CMIP: variants seen among roughly 807,000 people sequenced by gnomAD.
The protein encoded by CMIP is c-Maf inducing protein.
A neutral mutation model predicts 97.3 loss-of-function variants in CMIP; 13 were observed. The ratio of observed to expected loss-of-function variants is 0.13; its 90% CI spans 0.09 to 0.21. The LOEUF (loss-of-function observed/expected upper bound fraction) is 0.21, where lower values mean the gene tolerates loss of function less well. CMIP is among the 10% of genes least tolerant of loss of function. The pLI, the probability that CMIP is intolerant of heterozygous loss-of-function variation, is 1.00. For missense variants in CMIP, 847 were observed against 1,024.9 expected (o/e 0.83, Z 2.37); for synonymous variants, 538 against 436.3 (o/e 1.23, Z -2.91).
intron 7 of CMIP, 127 bp from the exon 8 acceptor site, chr16:81,670,015 C>T: frequency 1.2e-6 from 1 of 811,360 alleles, no homozygotes; most frequent in Non-Finnish European, 1.9e-6. Flanking sequence ...TGGTGTCTCC[C>T]CATTGCCTTC....
chr16:81,684,426 C>G (rs1245106011), intron 10 of CMIP, among the ~76,000 whole-genome samples: 2 of 152,252 alleles, frequency 1.3e-5, no homozygotes, highest in African/African-American at 2.4e-5. Flanking sequence ...CTGCCCGTGA[C>G]TTGCAGGAGA....
rs530171104 is a variant in CMIP at position 81,472,096 on chromosome 16, A to G, written c.300+26555A>G. 1.8e-4 allele frequency among the ~76,000 whole-genome samples: 28 copies of G among 152,334 alleles called. No homozygotes were observed. The South Asian group carries it at 5.6e-3, about 30-fold the overall frequency. ...TGTACACACACACTCACGCACATGC[A>G]CATGTGCTCTCAGTATACACATGTA... On this transcript the variant is annotated intron_variant, in intron 1 of 20. Coordinates refer to ENST00000537098, the MANE Select transcript of CMIP (RefSeq NM_198390.3).
At chr16:81,522,081 C>T (rs2090039418) in intron 1 of CMIP, among the ~76,000 whole-genome samples, 1 of 152,124 alleles carries the variant, frequency 6.6e-6, no homozygotes, top group Non-Finnish European at 1.5e-5. Flanking sequence ...TCTGCTTGTC[C>T]ATTCACACTT....
At chr16:81,522,421 AG>A (rs1349158042) in intron 1 of CMIP, among the ~76,000 whole-genome samples, 1 of 152,212 alleles carries the variant, frequency 6.6e-6, no homozygotes, top group African/African-American at 2.4e-5. Flanking sequence ...CAGAGGCCAG[AG>A]GGGTGTCTTC....
chr16:81,653,224 C>T (rs1243995186), intron 4 of CMIP, among the ~76,000 whole-genome samples: 1 of 152,128 alleles, frequency 6.6e-6, no homozygotes, highest in African/African-American at 2.4e-5. Context: ...TGCTTCTGTC[C>T]CCCTCCCCTG....
rs190844974 is a variant in CMIP at position 81,552,683 on chromosome 16, C to T, written c.301-54884C>T. Among the ~76,000 whole-genome samples the T allele has an allele frequency of 5.3e-5, 8 of 152,356 alleles. No homozygotes were observed. In the East Asian group the frequency reaches 1.4e-3, roughly 26 times the overall value. On this transcript the variant is annotated intron_variant, in intron 1 of 20. Coordinates refer to ENST00000537098, the MANE Select transcript of CMIP (RefSeq NM_198390.3). ...TAATGGAACCACATCTGCAACGTCT[C>T]TTCTGCCATGTCAGATGGCACATTC...
intron 1 of CMIP, among the ~76,000 whole-genome samples, chr16:81,601,584 G>C (rs2091658189): frequency 6.6e-6 from 1 of 152,140 alleles, no homozygotes; most frequent in South Asian, 2.1e-4. Flanking sequence ...TGTGCCACTG[G>C]ACAGGGGGCT....
At chr16:81,513,197 C>G (rs963105108) in intron 1 of CMIP, among the ~76,000 whole-genome samples, 1 of 152,200 alleles carries the variant, frequency 6.6e-6, no homozygotes, top group African/African-American at 2.4e-5. Context: ...GATTCTCCCC[C>G]TAGATCGAGT....
chr16:81,476,540 C>T (rs546683086), intron 1 of CMIP: 88 of 624,406 alleles, frequency 1.4e-4, no homozygotes, highest in African/African-American at 1.3e-3. Flanking sequence ...ACAGGTTTCC[C>T]GACGGCGCCG....
chr16:81,503,097 A>G (rs1470702539), intron 1 of CMIP, among the ~76,000 whole-genome samples: 1 of 152,178 alleles, frequency 6.6e-6, no homozygotes, highest in African/African-American at 2.4e-5. Flanking sequence ...CCTAAATATT[A>G]CAGCTAAAGA....
intron 1 of CMIP, among the ~76,000 whole-genome samples, chr16:81,578,140 ACCATCACCACCATCATAACCATCATCC>A (rs1266599312): frequency 6.6e-6 from 1 of 150,802 alleles, no homozygotes; most frequent in African/African-American, 2.4e-5. Flanking sequence ...CACCATCATC[ACCATCACCACCATCATAACCATCATCC>A]CCATTACCAC....
At chr16:81,639,837 C>G (rs767965493) in intron 3 of CMIP, among the ~76,000 whole-genome samples, 31 of 152,140 alleles carry the variant, frequency 2.0e-4, no homozygotes, top group Non-Finnish European at 4.0e-4. Flanking sequence ...ATTCTAAGCC[C>G]CTTGGGTGGT....
chr16:81,660,909 A>G lies in CMIP; in HGVS notation c.707A>G (p.Asn236Ser). 2 of 1,613,726 alleles carry G rather than the reference A, an allele frequency of 1.2e-6. No individual in the cohort carries two copies. Reference protein sequence around the residue: ...IVAIAPLLENNHPPPDLCEFF... With the variant: ...IVAIAPLLENSHPPPDLCEFF... ...GCAATCGCTCCTTTGCTGGAAAACA[A>G]CCACCCACCACCAGATCTCTGTGAA... The change falls in exon 6 of 21, where the codon AAC becomes AGC. Residue 236 changes from asparagine to serine, a missense_variant. Physicochemically the swap from Asn to Ser is conservative, Grantham distance 46. This residue lies in a region of CMIP where 285 missense variants were observed against 392.2 expected (regional missense o/e 0.73). Coordinates refer to ENST00000537098, the MANE Select transcript of CMIP (RefSeq NM_198390.3).
chr16:81,488,540 C>T (rs1403991989), intron 1 of CMIP, among the ~76,000 whole-genome samples: 1 of 152,198 alleles, frequency 6.6e-6, no homozygotes, highest in Non-Finnish European at 1.5e-5. Flanking sequence ...GTGTCTGGTT[C>T]TCCCCGAAAC....
chr16:81,486,635 G>C (rs938813995), intron 1 of CMIP, among the ~76,000 whole-genome samples: 1 of 152,168 alleles, frequency 6.6e-6, no homozygotes, highest in African/African-American at 2.4e-5. Flanking sequence ...AGGCTGGAGT[G>C]GGCCGGCCCA....
At chr16:81,451,864 A>G (rs1372869561) in intron 1 of CMIP, among the ~76,000 whole-genome samples, 1 of 152,186 alleles carries the variant, frequency 6.6e-6, no homozygotes, top group Non-Finnish European at 1.5e-5. Flanking sequence ...GGAGGAAGAG[A>G]GGAAGTGAGA....
chr16:81,465,892 A>G (rs553903231), intron 1 of CMIP, among the ~76,000 whole-genome samples: 1 of 152,176 alleles, frequency 6.6e-6, no homozygotes, highest in South Asian at 2.1e-4. Flanking sequence ...TGTGGGGTGA[A>G]CCAAACACAG....
intron 1 of CMIP, among the ~76,000 whole-genome samples, chr16:81,489,202 C>T (rs1283397559): frequency 1.3e-5 from 2 of 152,106 alleles, no homozygotes; most frequent in Admixed American, 6.5e-5. Context: ...GTACGATGTG[C>T]CCATACAGAT....
intron 1 of CMIP, among the ~76,000 whole-genome samples, chr16:81,590,574 C>T (rs926582627): frequency 3.3e-5 from 5 of 152,270 alleles, no homozygotes; most frequent in Non-Finnish European, 4.4e-5. Flanking sequence ...AGGAATTTTT[C>T]GGCAAATTTG....
Sources: allele counts gnomAD v4.1 joint callset (sites outside exome capture counted in the v4.1 genomes callset), GRCh38; gene constraint gnomAD v4.1.1; regional missense constraint gnomAD v4.1.1; transcripts MANE v1.5; gene names NCBI Gene and HGNC (gene_info 2026-07-23, HGNC 2026-07-21).